Variants in MAPRE2 observed in about 807,000 individuals in gnomAD.
The protein encoded by MAPRE2 is microtubule-associated protein RP/EB family member 2.
In MAPRE2, 13 loss-of-function variants were observed where a neutral mutation model predicts 43.2. The observed-to-expected ratio is 0.30, with a 90% CI of 0.20 to 0.48. MAPRE2 has a LOEUF of 0.48. Among genes scored for constraint, MAPRE2 ranks in the 20% least tolerant of loss-of-function variants. MAPRE2 has a pLI of 0.99. For missense variants in MAPRE2, 161 were observed against 400.2 expected, an observed-to-expected ratio of 0.40 and a Z score of 5.10; for synonymous variants, 135 against 148.8, an observed-to-expected ratio of 0.91 and a Z score of 0.68.
chr18:34,978,355 C>A, intron 1 of MAPRE2: 1 of 701,092 alleles, frequency 1.4e-6, no homozygotes, highest in Non-Finnish European at 2.5e-6. Context: ...GGAAGAACTT[C>A]CTTGATTAGC....
intron 2 of MAPRE2, among the ~76,000 whole-genome samples, chr18:35,073,987 T>C (rs1907225473): frequency 6.6e-6 from 1 of 152,212 alleles, no homozygotes; most frequent in Non-Finnish European, 1.5e-5. Flanking sequence ...GAACATTAAA[T>C]CTGGGTCATG....
chr18:35,122,894 T>A (rs374535739), intron 4 of MAPRE2, among the ~76,000 whole-genome samples: 2 of 152,312 alleles, frequency 1.3e-5, no homozygotes, highest in African/African-American at 4.8e-5. Context: ...CACAGGCAGG[T>A]TGAAGTTGGG....
chr18:34,984,153 A>G (rs1391499584), intron 1 of MAPRE2, among the ~76,000 whole-genome samples: 1 of 152,214 alleles, frequency 6.6e-6, no homozygotes, highest in African/African-American at 2.4e-5. Context: ...GTCTGCTCAA[A>G]GCTGGAAAGA....
At chr18:35,104,763 T>C (rs1218883686) in intron 4 of MAPRE2, among the ~76,000 whole-genome samples, 4 of 152,012 alleles carry the variant, frequency 2.6e-5, no homozygotes, top group Admixed American at 6.6e-5. Context: ...GTCTAGGAGC[T>C]GGGGTGGAGA....
intron 1 of MAPRE2, among the ~76,000 whole-genome samples, chr18:35,048,887 A>G (rs972940726): frequency 2.6e-5 from 4 of 151,900 alleles, no homozygotes; most frequent in African/African-American, 9.7e-5. Flanking sequence ...AGAAAATACA[A>G]ATTTTTATAG....
intron 2 of MAPRE2, among the ~76,000 whole-genome samples, chr18:35,031,882 A>T (rs1053469469): frequency 4.6e-5 from 7 of 152,302 alleles, no homozygotes; most frequent in South Asian, 2.1e-4. Flanking sequence ...AATTTTTTTT[A>T]AAATAAAATG....
At chr18:34,981,729 T>C (rs2097016291) in intron 1 of MAPRE2, among the ~76,000 whole-genome samples, 1 of 152,150 alleles carries the variant, frequency 6.6e-6, no homozygotes, top group Admixed American at 6.5e-5. Flanking sequence ...CCTTTTCCAG[T>C]GTTTATTGCA....
intron 5 of MAPRE2, chr18:35,127,375 A>G: frequency 2.9e-6 from 1 of 340,630 alleles, no homozygotes; most frequent in Non-Finnish European, 5.5e-6. Flanking sequence ...GGCCGTCAAG[A>G]GCTCCAGGCT....
chr18:35,024,782 C>A (rs2097044112), intron 2 of MAPRE2, among the ~76,000 whole-genome samples: 1 of 152,166 alleles, frequency 6.6e-6, no homozygotes, highest in South Asian at 2.1e-4. Context: ...TGCTATAGGA[C>A]ATTCTCTTTT....
Position 35,140,429 on chromosome 18 carries a change from G to A in MAPRE2, c.*60G>A, listed in dbSNP as rs1910583292. 6.7e-7 allele frequency: 1 copy of A among 1,486,950 alleles called. No homozygotes were observed. The highest frequency in any genetic ancestry group is 9.2e-7 in the Non-Finnish European group (1 of 1,088,622). 92.1% of individuals were successfully genotyped at this position (1,486,950 alleles called of 1,614,324 possible). On this transcript the variant is annotated 3_prime_UTR_variant, in exon 7 of 7. Transcript: ENST00000300249. ...GTGGGAACGTTTCTTCTGGAGAATT[G>A]GAACATGTGTGGCCCCAAGCTCAAC...
At chr18:34,992,143 T>C (rs946630279) in intron 1 of MAPRE2, among the ~76,000 whole-genome samples, 1 of 152,186 alleles carries the variant, frequency 6.6e-6, no homozygotes, top group African/African-American at 2.4e-5. Flanking sequence ...ATTATGTAAA[T>C]ATTGTTACTA....
intron 2 of MAPRE2, among the ~76,000 whole-genome samples, chr18:35,010,110 A>T (rs1332935493): frequency 6.6e-6 from 1 of 152,182 alleles, no homozygotes; most frequent in Non-Finnish European, 1.5e-5. Flanking sequence ...TTTAATTTAG[A>T]CCATGGTAGG....
chr18:35,115,130 G>C (rs1008267427), intron 4 of MAPRE2, among the ~76,000 whole-genome samples: 3 of 152,072 alleles, frequency 2.0e-5, no homozygotes, highest in Non-Finnish European at 4.4e-5. Context: ...ACTTTGTCTT[G>C]CTCAATCATT....
At chr18:34,980,804 A>T (rs74880523) in intron 1 of MAPRE2, among the ~76,000 whole-genome samples, 5,014 of 152,292 alleles carry the variant, frequency 0.033, 277 homozygotes, top group African/African-American at 0.11. Flanking sequence ...ATGAAAAACC[A>T]CATATGAATT....
intron 1 of MAPRE2, among the ~76,000 whole-genome samples, chr18:34,991,567 G>A (rs538871117): frequency 5.9e-4 from 90 of 152,226 alleles, no homozygotes; most frequent in African/African-American, 1.9e-3. Flanking sequence ...CCTCTTGGGA[G>A]TCTACCGCTA....
chr18:35,049,725 TA>T (rs1326435750), intron 1 of MAPRE2, among the ~76,000 whole-genome samples: 14 of 152,206 alleles, frequency 9.2e-5, no homozygotes, highest in Admixed American at 3.9e-4. Flanking sequence ...TGAATAAAAG[TA>T]ATTTTGTGAT....
chr18:34,985,136 TATACAAA>T (rs2097018920), intron 1 of MAPRE2, among the ~76,000 whole-genome samples: 3 of 79,062 alleles, frequency 3.8e-5, no homozygotes, highest in African/African-American at 1.1e-4. Context: ...TATATAAATA[TATACAAA>T]TATATTTTAT....
At chr18:34,989,552 A>G (rs2097022695) in intron 1 of MAPRE2, among the ~76,000 whole-genome samples, 1 of 152,116 alleles carries the variant, frequency 6.6e-6, no homozygotes, top group African/African-American at 2.4e-5. Flanking sequence ...TTTACCAAAA[A>G]ATTTTGAAAA....
intron 2 of MAPRE2, among the ~76,000 whole-genome samples, chr18:35,089,713 C>T (rs1456459876): frequency 6.6e-6 from 1 of 152,148 alleles, no homozygotes; most frequent in East Asian, 1.9e-4. Context: ...AGTACACCTG[C>T]TTTGGAAAAC....
Sources: allele counts gnomAD v4.1 joint callset (sites outside exome capture counted in the v4.1 genomes callset), GRCh38; gene constraint gnomAD v4.1.1; transcripts MANE v1.5; gene names NCBI Gene and HGNC (gene_info 2026-07-23, HGNC 2026-07-21).